DOCK3: variants seen among roughly 807,000 people sequenced by gnomAD.
DOCK3 encodes dedicator of cytokinesis protein 3.
DOCK3 carries 60 observed loss-of-function variants against 265.6 expected under a neutral mutation model. The ratio of observed to expected loss-of-function variants is 0.23; its 90% CI spans 0.18 to 0.28. DOCK3 has a LOEUF of 0.28. Ranked by LOEUF, DOCK3 falls within the 10% of genes least tolerant of loss-of-function variation. The pLI is 1.00. For synonymous variants in DOCK3, 881 were observed against 938.0 expected (o/e 0.94, Z 1.11); for missense variants, 1,981 against 2,594.3 (o/e 0.76, Z 5.14).
chr3:50,866,269 G>A (rs1289497235), intron 3 of DOCK3, among the ~76,000 whole-genome samples: 3 of 151,908 alleles, frequency 2.0e-5, no homozygotes, highest in South Asian at 2.1e-4. Flanking sequence ...GGCAGATCAC[G>A]AGGTCAGGAG....
At chr3:51,132,957 C>T (rs2084626086) in intron 9 of DOCK3, among the ~76,000 whole-genome samples, 1 of 152,098 alleles carries the variant, frequency 6.6e-6, no homozygotes. Flanking sequence ...TGAGGAGATA[C>T]ATGCTGTGCT....
At chr3:50,779,952 C>G (rs2041828599) in intron 2 of DOCK3, among the ~76,000 whole-genome samples, 1 of 152,078 alleles carries the variant, frequency 6.6e-6, no homozygotes, top group Non-Finnish European at 1.5e-5. Flanking sequence ...TGAAGTAGAA[C>G]TGTTGCAGTG....
At chr3:51,225,123 T>C (rs1353520563) in intron 14 of DOCK3, among the ~76,000 whole-genome samples, 1 of 152,110 alleles carries the variant, frequency 6.6e-6, no homozygotes, top group African/African-American at 2.4e-5. Context: ...CAGCAGGGAA[T>C]GGGATTTGGA....
chr3:51,039,883 C>CTT lies in DOCK3; in HGVS notation c.316-24544_316-24543dup, dbSNP rs60370676. 6.3e-3 allele frequency among the ~76,000 whole-genome samples: 624 copies of CTT among 99,814 alleles called. 5 individuals are homozygous for CTT. Among genetic ancestry groups the CTT allele is most frequent in the African/African-American group, 0.024 (604 of 25,688 alleles). 65.5% of individuals were successfully genotyped at this position (99,814 alleles called of 152,430 possible). On this transcript the variant is annotated intron_variant, in intron 5 of 52. Transcript: ENST00000266037. The stretch of plus-strand genomic sequence containing the variant: ...TGCATTATAGCTTGTGCTTTGAGGT[C>CTT]TTTTTTTTTTTTTTTTTTTTTTAAC...
At chr3:50,831,995 T>C (rs2045207899) in intron 2 of DOCK3, among the ~76,000 whole-genome samples, 1 of 152,232 alleles carries the variant, frequency 6.6e-6, no homozygotes, top group Non-Finnish European at 1.5e-5. Flanking sequence ...GATGAGCTTT[T>C]TTTCATATGT....
chr3:50,746,343 G>A lies in DOCK3; in HGVS notation c.38-32332G>A, dbSNP rs189308459. On this transcript the variant is annotated intron_variant, in intron 1 of 52. Transcript: ENST00000266037. ...GCTGGTCTCGAACTCCTGACCTCAG[G>A]TGATCTGCCCACCTCAGCCCCACAA... Among the ~76,000 whole-genome samples the A allele has an allele frequency of 2.9e-3, 435 of 152,198 alleles. 3 individuals carry two copies. The highest frequency in any genetic ancestry group is 4.5e-3 in the Non-Finnish European group (309 of 68,006).
chr3:51,138,463 T>G (rs559939372), intron 9 of DOCK3, among the ~76,000 whole-genome samples: 9 of 152,340 alleles, frequency 5.9e-5, no homozygotes, highest in East Asian at 5.8e-4. Context: ...TATGAAAGTC[T>G]TGAGGAAATG....
chr3:50,680,424 G>A (rs1488901110), intron 1 of DOCK3, among the ~76,000 whole-genome samples: 1 of 150,872 alleles, frequency 6.6e-6, no homozygotes, highest in Non-Finnish European at 1.5e-5. Flanking sequence ...ATATTGGCCA[G>A]GCCGGTCTCG....
At chr3:51,141,453 G>A (rs2085066848) in intron 9 of DOCK3, among the ~76,000 whole-genome samples, 2 of 151,806 alleles carry the variant, frequency 1.3e-5, no homozygotes, top group South Asian at 4.2e-4. Context: ...TGTAGTTTTA[G>A]CTCTTATATG....
intron 1 of DOCK3, among the ~76,000 whole-genome samples, chr3:50,776,286 A>C (rs2041594048): frequency 6.6e-6 from 1 of 152,042 alleles, no homozygotes; most frequent in East Asian, 1.9e-4. Context: ...CCATTCTTGC[A>C]GAAGGTGGTG....
intron 5 of DOCK3, among the ~76,000 whole-genome samples, chr3:51,012,486 A>G (rs1192421935): frequency 6.6e-6 from 1 of 152,144 alleles, no homozygotes; most frequent in Non-Finnish European, 1.5e-5. Flanking sequence ...GTTTGCTAAG[A>G]CCATTGGAAA....
At chr3:51,093,282 T>C (rs145255117) in intron 9 of DOCK3, among the ~76,000 whole-genome samples, 73 of 152,316 alleles carry the variant, frequency 4.8e-4, no homozygotes, top group Middle Eastern at 6.8e-3. Flanking sequence ...TATGGCCATT[T>C]TCATTATATT....
At chr3:51,283,725 A>G (rs2081262417) in intron 27 of DOCK3, among the ~76,000 whole-genome samples, 1 of 152,162 alleles carries the variant, frequency 6.6e-6, no homozygotes, top group Admixed American at 6.5e-5. Flanking sequence ...TTGTCCATAC[A>G]TTGAGCATCC....
intron 12 of DOCK3, among the ~76,000 whole-genome samples, chr3:51,193,801 C>T (rs201540169): frequency 1.5e-4 from 19 of 126,658 alleles, no homozygotes; most frequent in South Asian, 2.5e-4. Flanking sequence ...GGGCTTCTCT[C>T]TTTTTTTTTT....
Position 51,162,872 on chromosome 3 carries a change from A to C in DOCK3, c.1037+2170A>C, listed in dbSNP as rs552030954. Reference sequence around the variant, plus strand: ...AAAGATGAAAAAAATATGTTTATAGAGAAGATTTTTTTTCAAATTTTCTTT... The same window carrying C: ...AAAGATGAAAAAAATATGTTTATAGCGAAGATTTTTTTTCAAATTTTCTTT... On this transcript the variant is annotated intron_variant, in intron 12 of 52. Transcript: ENST00000266037. 5.9e-5 allele frequency among the ~76,000 whole-genome samples: 9 copies of C among 152,354 alleles called. No homozygotes were observed. In the South Asian group the frequency reaches 1.2e-3, roughly 21 times the overall value.
intron 5 of DOCK3, among the ~76,000 whole-genome samples, chr3:50,988,851 C>T (rs1435444222): frequency 6.6e-6 from 1 of 152,148 alleles, no homozygotes; most frequent in Non-Finnish European, 1.5e-5. Context: ...AGGCCTGTGC[C>T]TCCAGCCTCC....
intron 49 of DOCK3, among the ~76,000 whole-genome samples, chr3:51,373,612 TG>T (rs1252181632): frequency 2.0e-5 from 3 of 152,190 alleles, no homozygotes; most frequent in Non-Finnish European, 4.4e-5. Context: ...TCTGAATCCA[TG>T]GGGACAGAGT....
intron 5 of DOCK3, among the ~76,000 whole-genome samples, chr3:51,055,585 G>A (rs774293593): frequency 6.6e-6 from 1 of 152,150 alleles, no homozygotes; most frequent in Non-Finnish European, 1.5e-5. Context: ...GATTTGATCT[G>A]TCCTGTGTAG....
At chr3:51,243,054 A>G (rs1239825278) in intron 21 of DOCK3, among the ~76,000 whole-genome samples, 1 of 152,184 alleles carries the variant, frequency 6.6e-6, no homozygotes, top group Admixed American at 6.5e-5. Flanking sequence ...GGGCCCTAGG[A>G]GAGGCCAGCC....
Sources: allele counts gnomAD v4.1 joint callset (sites outside exome capture counted in the v4.1 genomes callset), GRCh38; gene constraint gnomAD v4.1.1; transcripts MANE v1.5; gene names NCBI Gene and HGNC (gene_info 2026-07-23, HGNC 2026-07-21).